The following CFAP65 variants were observed in gnomAD, a reference collection of about 807,000 sequenced individuals.
CFAP65 encodes cilia- and flagella-associated protein 65.
CFAP65 carries 155 observed loss-of-function variants against 208.0 expected under a neutral mutation model. That is an observed-to-expected ratio of 0.75 (90% confidence interval 0.65 to 0.85). The LOEUF is 0.85. Among genes scored for constraint, CFAP65 ranks in the 40% least tolerant of loss-of-function variants. The pLI, the probability that CFAP65 is intolerant of heterozygous loss-of-function variation, is 0.00. For missense variants in CFAP65, 2,294 were observed against 2,451.3 expected, an observed-to-expected ratio of 0.94 and a Z score of 1.36; for synonymous variants, 970 against 986.3, an observed-to-expected ratio of 0.98 and a Z score of 0.31.
intron 3 of CFAP65, 25 bp from the exon 4 acceptor site, chr2:219,038,603 G>T (rs1325301107): frequency 6.3e-7 from 1 of 1,591,858 alleles, no homozygotes; most frequent in Non-Finnish European, 8.6e-7. Context: ...GAGGGGAGAG[G>T]AGACAGGAGT....
At position 219,024,224 on chromosome 2, in the gene CFAP65, G is replaced by A. The variant is rs751638641; in HGVS notation, c.2386C>T (p.Arg796Cys). 1.5e-5 allele frequency: 24 copies of A among 1,613,550 alleles called. No homozygotes were observed. The highest frequency in any genetic ancestry group is 6.6e-5 in the South Asian group (6 of 91,078). Residue 796 changes from arginine (R) to cysteine (C), a missense_variant, in exon 15 of 35, where the codon CGC (arginine) becomes TGC (cysteine). By Grantham distance (180) the Arg-to-Cys change is radical. Coordinates refer to ENST00000341552, the MANE Select transcript of CFAP65 (RefSeq NM_194302.4). Reference protein sequence around the residue: ...PAVSSGEPTYRSLLLVNKDCK... With the variant: ...PAVSSGEPTYCSLLLVNKDCK... Reference sequence around the variant, plus strand: ...TCTTTGTTGACCAGGAGCAGGCTGCGGTAGGTGGGCTCACCGGAGGACACT... The same window carrying A: ...TCTTTGTTGACCAGGAGCAGGCTGCAGTAGGTGGGCTCACCGGAGGACACT...
At chr2:219,007,701 C>T (rs902585793) in intron 29 of CFAP65, among the ~76,000 whole-genome samples, 5 of 152,164 alleles carry the variant, frequency 3.3e-5, no homozygotes, top group Non-Finnish European at 7.3e-5. Flanking sequence ...ATTCAGTGAG[C>T]GCTTCCTGGG....
In CFAP65 at chr2:219,030,213, G is replaced by A. The variant is rs1947926090; in HGVS notation, c.1162-5C>T. 5 of 1,613,682 alleles carry A rather than the reference G, an allele frequency of 3.1e-6. No homozygotes were observed. The highest frequency in any genetic ancestry group is 4.2e-6 in the Non-Finnish European group (5 of 1,179,678). ...AATCCTGAAGGGGGCATTTACCTGT[G>A]TGGCCAAGCAGAAGGACAAAGGGTC... On this transcript the variant is annotated splice_region_variant and splice_polypyrimidine_tract_variant and intron_variant, in intron 9 of 34. Coordinates refer to ENST00000341552, the MANE Select transcript of CFAP65 (RefSeq NM_194302.4).
chr2:219,039,043 A>T lies in CFAP65; in HGVS notation c.6T>A (p.Phe2Leu). M[F>L]TLTGCRLVEK... is the part of the protein sequence containing the mutation. Reference sequence around the variant, plus strand: ...CCACCAGTCTACAACCGGTTAAGGTAAACATCACTGAAATAAATCAATCAA... The same window carrying T: ...CCACCAGTCTACAACCGGTTAAGGTTAACATCACTGAAATAAATCAATCAA... The change falls in exon 3 of 35, where the codon TTT becomes TTA. Residue 2 changes from phenylalanine to leucine, a missense_variant. Phe to Leu is a conservative substitution (Grantham distance 22). Around this residue, in one of 2 missense-constraint regions of CFAP65, gnomAD observed 867 missense variants for 1,012.6 expected, o/e 0.86. Transcript: ENST00000341552. 6.2e-7 allele frequency: 1 copy of T among 1,602,770 alleles called. No homozygotes were observed. Among genetic ancestry groups the T allele is most frequent in the Non-Finnish European group, 8.5e-7 (1 of 1,174,378 alleles).
In CFAP65 at chr2:219,026,133, C is replaced by T. The variant is rs776555192; in HGVS notation, c.2238G>A (p.Glu746=). The stretch of plus-strand genomic sequence containing the variant: ...AGGATGGGCACATGGTGCAGTCCTC[C>T]TCAATATTACTGTAGCTCTGCAGGA... ...YKVLQSYSNI[E]EDCTMCPSWC... is the part of the protein sequence containing the mutation. Residue 746 remains glutamate, a synonymous_variant, in exon 14 of 35, where the codon GAG becomes GAA. Transcript: ENST00000341552. 1.2e-5 allele frequency: 20 copies of T among 1,613,612 alleles called. No individual in the cohort carries two copies. The South Asian group carries it at 1.8e-4, about 14-fold the overall frequency.
At chr2:219,019,316 G>A (rs1185310286) in intron 20 of CFAP65, 137 bp from the exon 21 acceptor site, 4 of 1,229,294 alleles carry the variant, frequency 3.3e-6, no homozygotes, top group East Asian at 2.5e-5. Context: ...AGGGTGGGCT[G>A]GCTCTTCAGA....
At chr2:219,029,832 G>A in intron 10 of CFAP65, 154 bp downstream of exon 10, 1 of 1,136,484 alleles carries the variant, frequency 8.8e-7, no homozygotes, top group Non-Finnish European at 1.2e-6. Flanking sequence ...TCTCCAGGTA[G>A]TCACGGATGA....
intron 32 of CFAP65, 50 bp downstream of exon 32, chr2:219,005,384 G>C: frequency 6.2e-7 from 1 of 1,609,626 alleles, no homozygotes; most frequent in Non-Finnish European, 8.5e-7. Context: ...GGCTGAATGA[G>C]CTGGAGGGAT....
chr2:219,032,332 C>T lies in CFAP65; in HGVS notation c.645+138G>A. ...ATGAGGGGCTAAGCCCTTGACGGGGCCTCCCAAGCTGGATTGCTGCTGGAG... is the reference window on the plus strand; with the variant it reads ...ATGAGGGGCTAAGCCCTTGACGGGGTCTCCCAAGCTGGATTGCTGCTGGAG... On this transcript the variant is annotated intron_variant, in intron 6 of 34. Transcript: ENST00000341552. The surrounding 1 kb of genome is among the most constrained non-coding windows in gnomAD (Gnocchi z 5.5). 1.5e-6 allele frequency: 1 copy of T among 667,356 alleles called. No individual in the cohort carries two copies. Among genetic ancestry groups the T allele is most frequent in the Non-Finnish European group, 2.5e-6 (1 of 397,724 alleles). 41.3% of individuals were successfully genotyped at this position (667,356 alleles called of 1,614,324 possible). A position where few individuals can be genotyped will look rare whatever the true frequency, so the allele number is the denominator to read the frequency against.
Position 219,002,956 on chromosome 2 carries a change from A to G in CFAP65, c.5759T>C (p.Leu1920Pro). 6.4e-7 allele frequency: 1 copy of G among 1,567,190 alleles called. No homozygotes were observed. Among genetic ancestry groups the G allele is most frequent in the African/African-American group, 1.3e-5 (1 of 74,526 alleles). ...GGGCATTTACGGAAGGTCGGTAGGA[A>G]GTGGCACCACCGGGTGGAGTACCTC... ...QAEVLHPVVP[L>P]PTDLP The change falls in exon 35 of 35, where the codon CTT (leucine) becomes CCT (proline). Residue 1920 changes from leucine to proline, a missense_variant. Leu to Pro is a moderately conservative substitution (Grantham distance 98). This residue lies in a region of CFAP65 where 1,427 missense variants were observed against 1,438.7 expected (regional missense o/e 0.99). Coordinates refer to ENST00000341552, the MANE Select transcript of CFAP65 (RefSeq NM_194302.4). This position sits in a 1 kb window ranked among gnomAD's most constrained non-coding sequence, Gnocchi z 7.9.
In CFAP65 at chr2:219,031,392, C is replaced by T. The variant is rs1948018549; in HGVS notation, c.816-87G>A. The T allele has an allele frequency of 2.5e-6, 4 of 1,605,388 alleles. No individual in the cohort carries two copies. Among genetic ancestry groups the T allele is most frequent in the Admixed American group, 3.4e-5 (2 of 59,678 alleles). On this transcript the variant is annotated intron_variant, in intron 7 of 34. Transcript: ENST00000341552. The surrounding 1 kb of genome is among the most constrained non-coding windows in gnomAD (Gnocchi z 5.2). ...CAGGGATGCTGGGCAGAACCTCAGA[C>T]TACCCTACCCCGACAAGGGTATGCC...
intron 9 of CFAP65, 62 bp downstream of exon 9, chr2:219,030,627 G>A (rs1226814530): frequency 1.1e-5 from 18 of 1,582,902 alleles, no homozygotes; most frequent in East Asian, 6.7e-5. Flanking sequence ...GCAAGGCGGT[G>A]ATTTTAGGAA....
chr2:219,035,507 G>A lies in CFAP65; in HGVS notation c.515C>T (p.Ser172Phe). ...TTRNLVLKNR[S>F]LKLQKMKYRP... Reference sequence around the variant, plus strand: ...GTACTTCATCTTCTGGAGTTTCAAGGATCGATTTTTCAGAACCAGATTCCT... The same window carrying A: ...GTACTTCATCTTCTGGAGTTTCAAGAATCGATTTTTCAGAACCAGATTCCT... The change falls in exon 5 of 35, where the codon TCC (serine) becomes TTC (phenylalanine). Residue 172 changes from serine to phenylalanine, a missense_variant. By Grantham distance (155) the Ser-to-Phe change is radical (BLOSUM62 -2). Coordinates refer to ENST00000341552, the MANE Select transcript of CFAP65 (RefSeq NM_194302.4). The A allele has an allele frequency of 6.2e-7, 1 of 1,614,010 alleles. No homozygotes were observed. The highest frequency in any genetic ancestry group is 1.1e-5 in the South Asian group (1 of 91,064).
intron 4 of CFAP65, among the ~76,000 whole-genome samples, chr2:219,038,135 C>T (rs2106273161): frequency 6.6e-6 from 1 of 152,280 alleles, no homozygotes; most frequent in South Asian, 2.1e-4. Context: ...ATCCCTTTTC[C>T]CTTGGAGCTT....
chr2:219,024,037 T>C lies in CFAP65; in HGVS notation c.2573A>G (p.Asn858Ser), dbSNP rs779079865. The C allele has an allele frequency of 2.5e-6, 4 of 1,613,872 alleles. No homozygotes were observed. Among genetic ancestry groups the C allele is most frequent in the South Asian group, 1.1e-5 (1 of 91,078 alleles). The change falls in exon 15 of 35, where the codon AAT becomes AGT. Residue 858 changes from asparagine (N) to serine (S), a missense_variant. By Grantham distance (46) the Asn-to-Ser change is conservative. Transcript: ENST00000341552. ...WKQHTFYLQC[N>S]ASPQYLKEVS... Reference sequence around the variant, plus strand: ...TACCTTGAGATACTGGGGGGAAGCATTGCACTGCAGATAGAAAGTGTGCTG... The same window carrying C: ...TACCTTGAGATACTGGGGGGAAGCACTGCACTGCAGATAGAAAGTGTGCTG...
Position 219,031,651 on chromosome 2 carries a change from T to G in CFAP65, c.653A>C (p.Tyr218Ser). ...IVFRPLEAKE[Y>S]MDQLWFEKAE... Reference sequence around the variant, plus strand: ...TTTCTCAAACCACAGCTGGTCCATGTACTCCTTCTGCAGTGTGAGGCGGGG... The same window carrying G: ...TTTCTCAAACCACAGCTGGTCCATGGACTCCTTCTGCAGTGTGAGGCGGGG... The change falls in exon 7 of 35, where the codon TAC becomes TCC. Residue 218 changes from tyrosine to serine, a missense_variant. Transcript: ENST00000341552. This position sits in a 1 kb window ranked among gnomAD's most constrained non-coding sequence, Gnocchi z 5.2. 1 of 1,608,726 alleles carries G rather than the reference T, an allele frequency of 6.2e-7. No homozygotes were observed. Among genetic ancestry groups the G allele is most frequent in the South Asian group, 1.1e-5 (1 of 89,922 alleles).
rs1036069619 is a variant in CFAP65, at chr2:219,032,289, C to T, written c.645+181G>A. Among the ~76,000 whole-genome samples, 23 of 152,180 alleles carry T rather than the reference C, an allele frequency of 1.5e-4. No homozygotes were observed. The highest frequency in any genetic ancestry group is 5.9e-4 in the Admixed American group (9 of 15,278). ...TTTACCCCCAGCATCTCCTGGGGAA[C>T]GCCCTCTGTCTAATGAGATGAGGGG... is the stretch of plus-strand genomic sequence containing the variant. On this transcript the variant is annotated intron_variant, in intron 6 of 34. Coordinates refer to ENST00000341552, the MANE Select transcript of CFAP65 (RefSeq NM_194302.4). This position sits in a 1 kb window ranked among gnomAD's most constrained non-coding sequence, Gnocchi z 5.5.
Position 219,032,764 on chromosome 2 carries a change from C to A in CFAP65, c.543-192G>T, listed in dbSNP as rs1337648678. 6.6e-6 allele frequency among the ~76,000 whole-genome samples: 1 copy of A among 151,602 alleles called. No homozygotes were observed. The highest frequency in any genetic ancestry group is 1.5e-5 in the Non-Finnish European group (1 of 67,922). ...CAAGAGGACCCACCCTCCTCCTCCC[C>A]CTCCTATTCTCAGAGATCTTCACTC... is the stretch of plus-strand genomic sequence containing the variant. On this transcript the variant is annotated intron_variant, in intron 5 of 34. Coordinates refer to ENST00000341552, the MANE Select transcript of CFAP65 (RefSeq NM_194302.4). This position sits in a 1 kb window ranked among gnomAD's most constrained non-coding sequence, Gnocchi z 5.5.
At chr2:219,015,861 T>C in intron 21 of CFAP65, 1 of 152,220 alleles carries the variant, frequency 6.6e-6, no homozygotes, top group East Asian at 1.9e-4. Flanking sequence ...TATACAGCTA[T>C]TTAAAAGAAT....
Sources: gnomAD v4.1 joint callset for allele counts (sites outside exome capture counted in the v4.1 genomes callset) on GRCh38, gnomAD v4.1.1 for gene constraint, gnomAD v4.1.1 regional missense constraint, Gnocchi (gnomAD v3.1) non-coding constraint, MANE v1.5 for transcripts, NCBI Gene and HGNC (gene_info 2026-07-23, HGNC 2026-07-21) for gene names.